Variants in RABGAP1L observed in about 807,000 individuals in gnomAD.
RABGAP1L encodes rab GTPase-activating protein 1-like.
A neutral mutation model predicts 137.7 loss-of-function variants in RABGAP1L; 63 were observed. The observed-to-expected ratio is 0.46, with a 90% confidence interval of 0.37 to 0.56. The LOEUF (loss-of-function observed/expected upper bound fraction) is 0.56. Among genes scored for constraint, RABGAP1L ranks in the 20% least tolerant of loss-of-function variants. The pLI, the probability that RABGAP1L is intolerant of heterozygous loss-of-function variation, is 0.00. For synonymous variants in RABGAP1L, 431 were observed against 433.7 expected (o/e 0.99, Z 0.08); for missense variants, 1,095 against 1,244.0 (o/e 0.88, Z 1.80).
At chr1:174,800,247 C>T (rs1688633621) in intron 18 of RABGAP1L, 11 of 1,467,548 alleles carry the variant, frequency 7.5e-6, no homozygotes, top group South Asian at 1.4e-5. Flanking sequence ...CCAGGGAGAC[C>T]TAAACCTGGC....
At chr1:174,470,376 A>T (rs1657778183) in intron 13 of RABGAP1L, among the ~76,000 whole-genome samples, 1 of 152,202 alleles carries the variant, frequency 6.6e-6, no homozygotes, top group Non-Finnish European at 1.5e-5. Flanking sequence ...TACAAAGGTG[A>T]TGATACTGAA....
rs781011874 is a variant in RABGAP1L at position 174,436,121 on chromosome 1, T to C, written c.1710+41976T>C. 9.2e-5 allele frequency among the ~76,000 whole-genome samples: 14 copies of C among 152,344 alleles called. No homozygotes were observed. The East Asian group carries it at 1.5e-3, about 17-fold the overall frequency. On this transcript the variant is annotated intron_variant, in intron 13 of 25. Transcript: ENST00000681986. ...AATAGTGCCACAATAACCATACATG[T>C]GCATGTGTCTTTATAGCAGCATGAT...
intron 19 of RABGAP1L, among the ~76,000 whole-genome samples, chr1:174,936,514 A>T (rs1262506666): frequency 1.3e-5 from 2 of 151,938 alleles, no homozygotes; most frequent in Non-Finnish European, 2.9e-5. Flanking sequence ...GGATCACCTG[A>T]GCCTGGGAGG....
At chr1:174,848,718 G>GAGGC (rs1214724745) in intron 19 of RABGAP1L, among the ~76,000 whole-genome samples, 1 of 146,740 alleles carries the variant, frequency 6.8e-6, no homozygotes, top group Non-Finnish European at 1.5e-5. Context: ...GGAGCCTACA[G>GAGGC]AGGCAGGCAG....
chr1:174,415,740 T>C (rs150454685), intron 13 of RABGAP1L, among the ~76,000 whole-genome samples: 1 of 152,130 alleles, frequency 6.6e-6, no homozygotes, highest in East Asian at 1.9e-4. Flanking sequence ...ATATTCTAAG[T>C]AAGGCTCCAT....
rs10556099 is a variant in RABGAP1L at position 174,981,550 on chromosome 1, C to CTTTTTTTTTTTT, written c.2734-1264_2734-1253dup. On this transcript the variant is annotated intron_variant, in intron 23 of 25. Transcript: ENST00000681986. ...AATTTCACATCCCCTGTTTTTCCATCTTTTTTTTTTTTTTTTTTTTTTTTT... is the reference window on the plus strand; with the variant it reads ...AATTTCACATCCCCTGTTTTTCCATCTTTTTTTTTTTTTTTTTTTTTTTTTTTTTTTTTTTTT... Among the ~76,000 whole-genome samples, 394 of 66,438 alleles carry CTTTTTTTTTTTT rather than the reference C, an allele frequency of 5.9e-3. 52 individuals carry two copies. Among genetic ancestry groups the CTTTTTTTTTTTT allele is most frequent in the East Asian group, 0.019 (29 of 1,488 alleles). 43.6% of individuals were successfully genotyped at this position (66,438 alleles called of 152,430 possible).
At chr1:174,625,701 C>T (rs1378375284) in intron 13 of RABGAP1L, among the ~76,000 whole-genome samples, 1 of 152,096 alleles carries the variant, frequency 6.6e-6, no homozygotes, top group Non-Finnish European at 1.5e-5. Context: ...AGAATGTTTT[C>T]TAAAATTACT....
chr1:174,304,337 A>C (rs1222342952), intron 10 of RABGAP1L, among the ~76,000 whole-genome samples: 2 of 151,770 alleles, frequency 1.3e-5, no homozygotes, highest in Admixed American at 6.6e-5. Context: ...GTTTATATAT[A>C]TTTGATTTGA....
chr1:174,886,253 C>T (rs1655099783), intron 19 of RABGAP1L, among the ~76,000 whole-genome samples: 2 of 152,112 alleles, frequency 1.3e-5, no homozygotes, highest in African/African-American at 4.8e-5. Flanking sequence ...CTTAGGTGGT[C>T]TTCCCGCCTT....
chr1:174,599,154 A>G (rs1422930330), intron 13 of RABGAP1L, among the ~76,000 whole-genome samples: 1 of 152,224 alleles, frequency 6.6e-6, no homozygotes, highest in African/African-American at 2.4e-5. Context: ...TTTGTAACCA[A>G]TCATTTAAAA....
intron 13 of RABGAP1L, chr1:174,545,699 C>G (rs113455788): frequency 3.9e-5 from 6 of 153,186 alleles, no homozygotes; most frequent in African/African-American, 1.4e-4. Flanking sequence ...GGAGCTGTTC[C>G]TTTTTGGCCA....
At chr1:174,525,425 G>C (rs960637666) in intron 13 of RABGAP1L, among the ~76,000 whole-genome samples, 2 of 151,728 alleles carry the variant, frequency 1.3e-5, no homozygotes, top group Admixed American at 6.6e-5. Flanking sequence ...GGATTTCCTT[G>C]ATGCTTTTTT....
intron 13 of RABGAP1L, among the ~76,000 whole-genome samples, chr1:174,611,440 G>A (rs1221209041): frequency 6.6e-6 from 1 of 151,156 alleles, no homozygotes; most frequent in African/African-American, 2.4e-5. Context: ...CCACTACCAT[G>A]CTGTTTTGGT....
intron 14 of RABGAP1L, among the ~76,000 whole-genome samples, chr1:174,652,129 A>G (rs1436277751): frequency 2.0e-5 from 3 of 152,186 alleles, no homozygotes; most frequent in Non-Finnish European, 4.4e-5. Flanking sequence ...TTCTGGGTTA[A>G]AAATTCTTTT....
At chr1:174,248,224 A>G (rs1672425040) in intron 5 of RABGAP1L, among the ~76,000 whole-genome samples, 1 of 152,118 alleles carries the variant, frequency 6.6e-6, no homozygotes, top group African/African-American at 2.4e-5. Flanking sequence ...CCTCTCATCC[A>G]TCCCCAAGCA....
chr1:174,427,144 A>ATGTGTGTGTG lies in RABGAP1L; in HGVS notation c.1710+33030_1710+33039dup, dbSNP rs57986877. Reference sequence around the variant, plus strand: ...GTTTAACATAAACCTCCGCATGTTTATGTGTGTGTGTGTGTGTGTGTGTGT... The same window carrying ATGTGTGTGTG: ...GTTTAACATAAACCTCCGCATGTTTATGTGTGTGTGTGTGTGTGTGTGTGTGTGTGTGTGT... On this transcript the variant is annotated intron_variant, in intron 13 of 25. Coordinates refer to ENST00000681986, the MANE Select transcript of RABGAP1L (RefSeq NM_001366446.1). 1.3e-3 allele frequency among the ~76,000 whole-genome samples: 181 copies of ATGTGTGTGTG among 144,678 alleles called. 2 individuals carry two copies. The highest frequency in any genetic ancestry group is 4.3e-3 in the African/African-American group (169 of 38,996). 94.9% of individuals were successfully genotyped at this position (144,678 alleles called of 152,430 possible). A position where few individuals can be genotyped will look rare whatever the true frequency, so the allele number is the denominator to read the frequency against.
At chr1:174,470,856 C>T (rs1254355043) in intron 13 of RABGAP1L, among the ~76,000 whole-genome samples, 1 of 152,136 alleles carries the variant, frequency 6.6e-6, no homozygotes, top group Non-Finnish European at 1.5e-5. Flanking sequence ...TAAATTAAAT[C>T]CATGACTTGC....
chr1:174,185,588 T>G (rs1368152639), intron 1 of RABGAP1L, among the ~76,000 whole-genome samples: 1 of 152,236 alleles, frequency 6.6e-6, no homozygotes, highest in African/African-American at 2.4e-5. Flanking sequence ...ATACATTGTT[T>G]AATAAGCATA....
intron 20 of RABGAP1L, among the ~76,000 whole-genome samples, chr1:174,959,432 C>G (rs541156742): frequency 1.1e-4 from 16 of 152,252 alleles, no homozygotes; most frequent in Non-Finnish European, 1.9e-4. Flanking sequence ...TGGAATTGAA[C>G]TTGTTATTGT....
Sources: allele counts gnomAD v4.1 joint callset (sites outside exome capture counted in the v4.1 genomes callset), GRCh38; gene constraint gnomAD v4.1.1; transcripts MANE v1.5; gene names NCBI Gene and HGNC (gene_info 2026-07-23, HGNC 2026-07-21).